AIG1: variants seen among roughly 807,000 people sequenced by gnomAD.
AIG1 encodes the protein androgen-induced gene 1 protein.
Under a neutral mutation model 31.4 loss-of-function variants are expected in AIG1, and 23 were observed. The observed-to-expected ratio is 0.73, with a 90% CI of 0.53 to 1.04. The LOEUF (loss-of-function observed/expected upper bound fraction) is 1.04. Ranked by LOEUF, AIG1 falls within the 50% of genes least tolerant of loss-of-function variation. The probability of loss-of-function intolerance (pLI) is 0.00; values close to 1 mark genes in which losing one functional copy is unlikely to be tolerated. For missense variants in AIG1, 274 were observed against 295.0 expected (o/e 0.93, Z 0.52); for synonymous variants, 100 against 110.5 (o/e 0.90, Z 0.60).
intron 2 of AIG1, among the ~76,000 whole-genome samples, chr6:143,156,343 C>T (rs1267383417): frequency 7.0e-6 from 1 of 142,246 alleles, no homozygotes; most frequent in Non-Finnish European, 1.6e-5. Flanking sequence ...GGAGTATCTT[C>T]TTAAAATATT....
At chr6:143,222,386 T>TG (rs1562502358) in intron 3 of AIG1, among the ~76,000 whole-genome samples, 1 of 140,148 alleles carries the variant, frequency 7.1e-6, no homozygotes, top group Non-Finnish European at 1.5e-5. Context: ...TGGTAGTATC[T>TG]GGTTTTTTTT....
At position 143,190,524 on chromosome 6, in the gene AIG1, C is replaced by T. The variant is rs182105914; in HGVS notation, c.399+25341C>T. ...AAGTTATGTTCAGAATTTCATTGTC[C>T]TGTTCTTTTTAAGAATCATATGAGA... On this transcript the variant is annotated intron_variant, in intron 3 of 5. Transcript: ENST00000357847. 15 of 984,980 alleles carry T rather than the reference C, an allele frequency of 1.5e-5. No individual in the cohort carries two copies. In the East Asian group the frequency reaches 1.1e-3, roughly 74 times the overall value. 61.0% of individuals were successfully genotyped at this position (984,980 alleles called of 1,614,324 possible).
chr6:143,322,357 C>T (rs761558067), intron 4 of AIG1, among the ~76,000 whole-genome samples: 5 of 152,110 alleles, frequency 3.3e-5, no homozygotes, highest in Admixed American at 2.6e-4. Context: ...AGATGTTCTT[C>T]CTCCTCCCCC....
At chr6:143,161,974 G>A (rs1786425994) in intron 2 of AIG1, among the ~76,000 whole-genome samples, 1 of 152,058 alleles carries the variant, frequency 6.6e-6, no homozygotes, top group Non-Finnish European at 1.5e-5. Flanking sequence ...GAAGTAAAAT[G>A]CATAAAATTG....
At chr6:143,287,250 A>G (rs1307211148) in intron 4 of AIG1, among the ~76,000 whole-genome samples, 1 of 152,172 alleles carries the variant, frequency 6.6e-6, no homozygotes, top group Non-Finnish European at 1.5e-5. Flanking sequence ...GAGTTTAAGT[A>G]TCAGGAATCA....
chr6:143,095,452 G>A (rs1258248013), intron 1 of AIG1, among the ~76,000 whole-genome samples: 1 of 152,134 alleles, frequency 6.6e-6, no homozygotes, highest in Non-Finnish European at 1.5e-5. Context: ...TATCATATAA[G>A]TAGCCATGCA....
intron 3 of AIG1, chr6:143,189,662 G>T: frequency 1.0e-6 from 1 of 985,222 alleles, no homozygotes; most frequent in Non-Finnish European, 1.2e-6. Flanking sequence ...GCTTTAAATT[G>T]CAGTATCATC....
intron 2 of AIG1, among the ~76,000 whole-genome samples, chr6:143,160,319 GC>G (rs1310306554): frequency 1.1e-4 from 17 of 152,302 alleles, no homozygotes; most frequent in African/African-American, 3.8e-4. Flanking sequence ...GTGGACTAAA[GC>G]TGAAGTTTCA....
At chr6:143,303,630 C>A (rs1434783035) in intron 4 of AIG1, among the ~76,000 whole-genome samples, 10 of 150,810 alleles carry the variant, frequency 6.6e-5, no homozygotes, top group Non-Finnish European at 1.2e-4. Flanking sequence ...TTACTGTAGC[C>A]TTGTAGTATA....
At chr6:143,236,462 C>T (rs567121194) in intron 3 of AIG1, among the ~76,000 whole-genome samples, 2 of 152,364 alleles carry the variant, frequency 1.3e-5, no homozygotes, top group African/African-American at 4.8e-5. Context: ...TCTTGCCATC[C>T]GGCCTATGGC....
At chr6:143,251,479 C>A (rs960547715) in intron 3 of AIG1, among the ~76,000 whole-genome samples, 1 of 151,948 alleles carries the variant, frequency 6.6e-6, no homozygotes, top group African/African-American at 2.4e-5. Flanking sequence ...ACACACCTGA[C>A]ACTGTTTGCA....
At chr6:143,277,383 G>A (rs1797012960) in intron 3 of AIG1, among the ~76,000 whole-genome samples, 1 of 152,108 alleles carries the variant, frequency 6.6e-6, no homozygotes, top group African/African-American at 2.4e-5. Flanking sequence ...ATCTTCGTAG[G>A]CAAGTCCAGT....
chr6:143,066,485 C>T (rs186194564), intron 1 of AIG1, among the ~76,000 whole-genome samples: 1 of 152,210 alleles, frequency 6.6e-6, no homozygotes, highest in Non-Finnish European at 1.5e-5. Context: ...GTTGGCCACA[C>T]TGGTCTCAAA....
intron 2 of AIG1, among the ~76,000 whole-genome samples, chr6:143,154,917 G>A (rs75396654): frequency 0.022 from 3,287 of 150,824 alleles, 95 homozygotes; most frequent in African/African-American, 0.069. Context: ...GTGTGATCTC[G>A]GTGCACTGCA....
chr6:143,295,469 A>G (rs1198684979), intron 4 of AIG1, among the ~76,000 whole-genome samples: 1 of 152,136 alleles, frequency 6.6e-6, no homozygotes, highest in Non-Finnish European at 1.5e-5. Context: ...CTCTGGCCTC[A>G]TCATATTCCT....
chr6:143,314,628 CA>C (rs1775582482), intron 4 of AIG1, among the ~76,000 whole-genome samples: 1 of 151,958 alleles, frequency 6.6e-6, no homozygotes, highest in Non-Finnish European at 1.5e-5. Flanking sequence ...GATCTATATG[CA>C]ATAAACTATA....
chr6:143,067,017 A>G (rs1401416228), intron 1 of AIG1, among the ~76,000 whole-genome samples: 2 of 152,058 alleles, frequency 1.3e-5, no homozygotes, highest in African/African-American at 2.4e-5. Flanking sequence ...AAAATTAAAC[A>G]TTATTTGGGG....
chr6:143,163,748 T>A (rs1320092252), intron 2 of AIG1, among the ~76,000 whole-genome samples: 3 of 152,216 alleles, frequency 2.0e-5, no homozygotes, highest in African/African-American at 7.2e-5. Context: ...GGAAGAATGC[T>A]TAATCTGTGT....
intron 3 of AIG1, among the ~76,000 whole-genome samples, chr6:143,228,939 T>C (rs1447687038): frequency 6.6e-6 from 1 of 152,232 alleles, no homozygotes; most frequent in Non-Finnish European, 1.5e-5. Flanking sequence ...GAGACACTGC[T>C]TTGAAGGATG....
Sources: gnomAD v4.1 joint callset for allele counts (sites outside exome capture counted in the v4.1 genomes callset) on GRCh38, gnomAD v4.1.1 for gene constraint, MANE v1.5 for transcripts, NCBI Gene and HGNC (gene_info 2026-07-23, HGNC 2026-07-21) for gene names.